The following NR3C1 variants were observed in gnomAD, a reference collection of about 807,000 sequenced individuals.
The protein encoded by NR3C1 is glucocorticoid receptor.
Under a neutral mutation model 74.0 loss-of-function variants are expected in NR3C1, and 14 were observed. That is an observed-to-expected ratio of 0.19 (90% confidence interval 0.12 to 0.30). The LOEUF is 0.30. NR3C1 is among the 10% of genes least tolerant of loss of function. NR3C1 has a pLI of 1.00. For synonymous variants in NR3C1, 308 were observed against 332.5 expected, an observed-to-expected ratio of 0.93 and a Z score of 0.80; for missense variants, 695 against 909.8, an observed-to-expected ratio of 0.76 and a Z score of 3.04.
intron 2 of NR3C1, among the ~76,000 whole-genome samples, chr5:143,360,912 CTT>C (rs1490116551): frequency 6.6e-6 from 1 of 152,166 alleles, no homozygotes; most frequent in Non-Finnish European, 1.5e-5. Flanking sequence ...CAGGTTTTAT[CTT>C]GAGTCTATCC....
upstream of NR3C1, chr5:143,404,430 G>T: frequency 3.0e-6 from 3 of 985,458 alleles, no homozygotes; most frequent in Non-Finnish European, 2.4e-6. Flanking sequence ...GCATCATCTG[G>T]GCGGCCGGGT....
chr5:143,390,632 C>T (rs1838064267), intron 2 of NR3C1, among the ~76,000 whole-genome samples: 1 of 152,100 alleles, frequency 6.6e-6, no homozygotes, highest in Non-Finnish European at 1.5e-5. Context: ...TTAATAACTT[C>T]AAGAAAACAC....
chr5:143,284,300 A>G (rs1562695637), intron 7 of NR3C1, among the ~76,000 whole-genome samples: 1 of 152,134 alleles, frequency 6.6e-6, no homozygotes, highest in Non-Finnish European at 1.5e-5. Context: ...CTCCTTGAGC[A>G]TCTTTCCTGC....
intron 1 of NR3C1, chr5:143,402,473 CT>C: frequency 2.1e-6 from 1 of 477,020 alleles, no homozygotes; most frequent in Non-Finnish European, 2.7e-6. Context: ...TACAGGGGGT[CT>C]TTTTCTAAAA....
chr5:143,341,058 G>A (rs995737245), intron 2 of NR3C1, among the ~76,000 whole-genome samples: 6 of 152,240 alleles, frequency 3.9e-5, no homozygotes, highest in African/African-American at 1.4e-4. Context: ...CAGTCTGTGG[G>A]CAAACACAAA....
chr5:143,368,478 A>G (rs530099442), intron 2 of NR3C1, among the ~76,000 whole-genome samples: 1 of 152,214 alleles, frequency 6.6e-6, no homozygotes, highest in African/African-American at 2.4e-5. Flanking sequence ...TATATATTTC[A>G]TAAGGGTCTA....
intron 2 of NR3C1, among the ~76,000 whole-genome samples, chr5:143,314,973 G>C (rs1821767049): frequency 6.6e-6 from 1 of 152,052 alleles, no homozygotes; most frequent in Admixed American, 6.6e-5. Flanking sequence ...TCTCTTACTA[G>C]GTCTCTAACA....
chr5:143,389,812 AAC>A (rs1170867343), intron 2 of NR3C1: 3 of 303,054 alleles, frequency 9.9e-6, no homozygotes, highest in African/African-American at 6.8e-5. Context: ...CAGCTGACAG[AAC>A]AAAGTAAGAG....
chr5:143,326,459 A>AT (rs1239547901), intron 2 of NR3C1, among the ~76,000 whole-genome samples: 11 of 152,246 alleles, frequency 7.2e-5, no homozygotes. Context: ...TTAAATGAAC[A>AT]TATTGGCATT....
rs1286609634 is a variant in NR3C1 at position 143,400,670 on chromosome 5, T to G, written c.170A>C (p.Lys57Thr). 6 of 1,613,914 alleles carry G rather than the reference T, an allele frequency of 3.7e-6. No individual in the cohort carries two copies. Among genetic ancestry groups the G allele is most frequent in the Non-Finnish European group, 5.1e-6 (6 of 1,179,880 alleles). ...SLAVASQSDS[K>T]QRRLLVDFPK... is the part of the protein sequence containing the mutation. ...AAAATCAACCAAAAGTCTTCGCTGC[T>G]TGGAGTCTGATTGAGAAGCGACAGC... The change falls in exon 2 of 9, where the codon AAG becomes ACG. Residue 57 changes from lysine (K) to threonine (T), a missense_variant. By Grantham distance (78) the Lys-to-Thr change is moderately conservative. Coordinates refer to ENST00000394464, the MANE Select transcript of NR3C1 (RefSeq NM_000176.3).
intron 2 of NR3C1, among the ~76,000 whole-genome samples, chr5:143,371,760 G>A (rs900277982): frequency 6.6e-6 from 1 of 152,186 alleles, no homozygotes; most frequent in Non-Finnish European, 1.5e-5. Flanking sequence ...AAATGTGAAC[G>A]TTCTGTAAAT....
Position 143,419,739 on chromosome 5 carries a change from G to T in NR3C1, c.-14+14793C>A, listed in dbSNP as rs114933107. Among the ~76,000 whole-genome samples, 1,288 of 152,266 alleles carry T rather than the reference G, an allele frequency of 8.5e-3. 12 individuals carry two copies. Among genetic ancestry groups the T allele is most frequent in the African/African-American group, 0.029 (1,223 of 41,552 alleles). ...GAAATCACAGGACCACAGGACGGGG[G>T]CGAAATTAAAATTGCTAACAAAGTT... On this transcript the variant is annotated intron_variant, in intron 1 of 8. Transcript: ENST00000343796.
intron 7 of NR3C1, chr5:143,294,049 G>A: frequency 1.0e-6 from 1 of 985,032 alleles, no homozygotes; most frequent in Non-Finnish European, 1.2e-6. Context: ...CTCTTGCCTT[G>A]ACTGAAATAT....
chr5:143,311,788 G>GT (rs34827388), intron 3 of NR3C1, among the ~76,000 whole-genome samples: 3,854 of 119,332 alleles, frequency 0.032, 227 homozygotes, highest in African/African-American at 0.1. Flanking sequence ...CCTGGATAAC[G>GT]TTTTTTTTTT....
chr5:143,325,130 A>T (rs539232170), intron 2 of NR3C1, among the ~76,000 whole-genome samples: 1 of 152,230 alleles, frequency 6.6e-6, no homozygotes, highest in South Asian at 2.1e-4. Flanking sequence ...ACTGGTACCA[A>T]TTTACTGTAT....
chr5:143,352,169 A>G (rs1830351506), intron 2 of NR3C1, among the ~76,000 whole-genome samples: 1 of 152,148 alleles, frequency 6.6e-6, no homozygotes, highest in African/African-American at 2.4e-5. Flanking sequence ...TGCTGATGAC[A>G]AAATATGCTT....
chr5:143,310,296 T>C, intron 3 of NR3C1, 83 bp from the exon 4 acceptor site: 1 of 1,006,830 alleles, frequency 9.9e-7, no homozygotes, highest in Non-Finnish European at 1.5e-6. Context: ...TTGTTTCCGG[T>C]GGAATATAAC....
At chr5:143,403,766 C>T (rs1840812296), upstream of NR3C1, 1 of 984,292 alleles carries the variant, frequency 1.0e-6, no homozygotes, top group Non-Finnish European at 1.2e-6. Flanking sequence ...CGCGCGGCGG[C>T]CGCGGGGAAC....
In NR3C1 at chr5:143,280,550, A is replaced by ATAAT. The variant is rs1338733891; in HGVS notation, c.*1335_*1338dup. On this transcript the variant is annotated 3_prime_UTR_variant, in exon 9 of 9. Coordinates refer to ENST00000394464, the MANE Select transcript of NR3C1 (RefSeq NM_000176.3). Reference sequence around the variant, plus strand: ...TACTACAGCTTCTATTTTGTTTAAAATAATTTTCAACAGTGAAGAAATTCA... The same window carrying ATAAT: ...TACTACAGCTTCTATTTTGTTTAAAATAATTAATTTTCAACAGTGAAGAAATTCA... 6.6e-6 allele frequency: 1 copy of ATAAT among 152,662 alleles called. No homozygotes were observed. Among genetic ancestry groups the ATAAT allele is most frequent in the Non-Finnish European group, 1.5e-5 (1 of 68,044 alleles). The allele number at this position is 152,662 out of a possible 1,614,324, so 9.5% of individuals were successfully genotyped here. A position where few individuals can be genotyped will look rare whatever the true frequency, so the allele number is the denominator to read the frequency against.
Sources: gnomAD v4.1 joint callset for allele counts (sites outside exome capture counted in the v4.1 genomes callset) on GRCh38, gnomAD v4.1.1 for gene constraint, MANE v1.5 for transcripts, NCBI Gene and HGNC (gene_info 2026-07-23, HGNC 2026-07-21) for gene names.